The following FBXW4 variants were observed in gnomAD, a reference collection of about 807,000 sequenced individuals.
FBXW4 encodes F-box/WD repeat-containing protein 4.
Under a neutral mutation model 61.8 loss-of-function variants are expected in FBXW4, and 40 were observed. The ratio of observed to expected loss-of-function variants is 0.65; its 90% CI spans 0.50 to 0.84. The LOEUF (loss-of-function observed/expected upper bound fraction) is 0.84. FBXW4 is among the 40% of genes least tolerant of loss of function. The pLI is 0.00. For missense variants in FBXW4, 672 were observed against 753.8 expected (o/e 0.89, Z 1.27); for synonymous variants, 311 against 313.8 (o/e 0.99, Z 0.10).
intron 6 of FBXW4, among the ~76,000 whole-genome samples, chr10:101,613,320 C>T (rs1221488669): frequency 6.6e-6 from 1 of 152,244 alleles, no homozygotes; most frequent in Admixed American, 6.5e-5. Flanking sequence ...ACATCAAGTG[C>T]ACCCGCTAAT....
intron 5 of FBXW4, among the ~76,000 whole-genome samples, chr10:101,646,048 C>G (rs2064093106): frequency 6.6e-6 from 1 of 152,192 alleles, no homozygotes; most frequent in African/African-American, 2.4e-5. Context: ...CAGCACTCTA[C>G]AAGTGCTAAT....
intron 5 of FBXW4, among the ~76,000 whole-genome samples, chr10:101,663,178 C>T (rs1026431002): frequency 3.3e-5 from 5 of 152,112 alleles, no homozygotes; most frequent in Admixed American, 2.0e-4. Context: ...TGCCTTTCCC[C>T]AGAAGAGAAT....
At position 101,692,886 on chromosome 10, in the gene FBXW4, T is replaced by A. The variant is rs567428299; in HGVS notation, c.725+1495A>T. ...ATCACAAAAGACTGGCAGAGCCTAATAAAGTGTAAAACAGTAAAGTAAAAT... is the reference window on the plus strand; with the variant it reads ...ATCACAAAAGACTGGCAGAGCCTAAAAAAGTGTAAAACAGTAAAGTAAAAT... On this transcript the variant is annotated intron_variant, in intron 1 of 8. Transcript: ENST00000331272. Among the ~76,000 whole-genome samples the A allele has an allele frequency of 8.4e-4, 127 of 151,750 alleles. 1 individual carries two copies. Among genetic ancestry groups the A allele is most frequent in the African/African-American group, 2.9e-3 (121 of 41,392 alleles).
chr10:101,668,364 T>C lies in FBXW4; in HGVS notation c.1141-384A>G, dbSNP rs75722972. ...TCCTTTCTCCCATCTCTCACCAAGA[T>C]TTTACTTTGGAGAAGTAGGGAGAGG... On this transcript the variant is annotated intron_variant, in intron 4 of 8. Transcript: ENST00000331272. Among the ~76,000 whole-genome samples the C allele has an allele frequency of 6.2e-3, 947 of 152,208 alleles. 7 individuals are homozygous for C. Among genetic ancestry groups the C allele is most frequent in the Middle Eastern group, 0.027 (8 of 294 alleles).
intron 2 of FBXW4, among the ~76,000 whole-genome samples, chr10:101,675,775 T>C (rs1025086282): frequency 4.6e-5 from 7 of 152,164 alleles, no homozygotes; most frequent in African/African-American, 1.7e-4. Context: ...AGCATAAAAA[T>C]TGGTAGCATT....
chr10:101,648,883 G>T (rs1242308778), intron 5 of FBXW4, among the ~76,000 whole-genome samples: 1 of 152,136 alleles, frequency 6.6e-6, no homozygotes, highest in African/African-American at 2.4e-5. Context: ...ATCCCCACCA[G>T]AGCTTTTCCC....
intron 5 of FBXW4, among the ~76,000 whole-genome samples, chr10:101,651,620 T>C (rs1196119189): frequency 2.0e-5 from 3 of 151,964 alleles, no homozygotes; most frequent in African/African-American, 7.3e-5. Flanking sequence ...CTTCCCTCCC[T>C]CTATAAGGGC....
intron 5 of FBXW4, among the ~76,000 whole-genome samples, chr10:101,632,547 TCAGAAACTTATAAA>T (rs2063967849): frequency 2.0e-5 from 3 of 151,996 alleles, no homozygotes; most frequent in Non-Finnish European, 4.4e-5. Flanking sequence ...CACTCAAGAA[TCAGAAACTTATAAA>T]CTTGAGCAAT....
chr10:101,622,348 GCA>G (rs2063873101), intron 6 of FBXW4, among the ~76,000 whole-genome samples: 1 of 152,082 alleles, frequency 6.6e-6, no homozygotes. Context: ...GACACCAAAG[GCA>G]CAGTCAATAA....
At position 101,660,630 on chromosome 10, in the gene FBXW4, C is replaced by T. The variant is rs535420091; in HGVS notation, c.1235+7256G>A. Among the ~76,000 whole-genome samples the T allele has an allele frequency of 7.9e-5, 12 of 152,306 alleles. No homozygotes were observed. In the South Asian group the frequency reaches 2.5e-3, roughly 32 times the overall value. ...ATTGCTAAATTATCTGTTGGCAGAA[C>T]GGTGATCAAAGGTGGAAAAACACAG... On this transcript the variant is annotated intron_variant, in intron 5 of 8. Coordinates refer to ENST00000331272, the MANE Select transcript of FBXW4 (RefSeq NM_022039.4).
intron 1 of FBXW4, among the ~76,000 whole-genome samples, chr10:101,685,141 G>C (rs1391171950): frequency 6.6e-6 from 1 of 152,072 alleles, no homozygotes; most frequent in Non-Finnish European, 1.5e-5. Context: ...GCTACTTCTG[G>C]GGACTAGTCA....
At chr10:101,638,607 G>A (rs545212433) in intron 5 of FBXW4, among the ~76,000 whole-genome samples, 69 of 151,848 alleles carry the variant, frequency 4.5e-4, no homozygotes, top group African/African-American at 1.5e-3. Flanking sequence ...ACATATTTAT[G>A]TATCACTTAT....
chr10:101,620,160 A>C (rs1264554649), intron 6 of FBXW4, among the ~76,000 whole-genome samples: 1 of 152,224 alleles, frequency 6.6e-6, no homozygotes, highest in East Asian at 1.9e-4. Flanking sequence ...GAATCCATCC[A>C]GCACCGCTCA....
chr10:101,616,302 TC>T (rs1446100752), intron 6 of FBXW4, among the ~76,000 whole-genome samples: 1 of 152,194 alleles, frequency 6.6e-6, no homozygotes, highest in African/African-American at 2.4e-5. Flanking sequence ...TTTCCTCCCT[TC>T]TATCTCCTTC....
At chr10:101,618,092 G>C (rs1209780362) in intron 6 of FBXW4, among the ~76,000 whole-genome samples, 1 of 152,218 alleles carries the variant, frequency 6.6e-6, no homozygotes, top group Non-Finnish European at 1.5e-5. Flanking sequence ...CCTGTGTGCA[G>C]GACACGGCTT....
chr10:101,614,745 G>A (rs112974139), intron 6 of FBXW4, among the ~76,000 whole-genome samples: 10 of 152,324 alleles, frequency 6.6e-5, no homozygotes, highest in African/African-American at 2.2e-4. Context: ...GCTCTGTTGT[G>A]TGGTGCCCGT....
At chr10:101,692,003 C>T (rs994406845) in intron 1 of FBXW4, among the ~76,000 whole-genome samples, 2 of 151,920 alleles carry the variant, frequency 1.3e-5, no homozygotes, top group East Asian at 1.9e-4. Context: ...ATAACATTTT[C>T]GGAAATACAT....
At chr10:101,659,464 T>A (rs1391466197) in intron 5 of FBXW4, 5 of 984,490 alleles carry the variant, frequency 5.1e-6, no homozygotes, top group Non-Finnish European at 6.0e-6. Context: ...CTCTCTTCAC[T>A]GTCCAGAGAA....
intron 5 of FBXW4, among the ~76,000 whole-genome samples, chr10:101,634,683 A>G (rs2063986073): frequency 6.7e-6 from 1 of 148,902 alleles, no homozygotes; most frequent in South Asian, 2.1e-4. Context: ...TCCACTGAAT[A>G]CACATTTGAA....
Sources: allele counts gnomAD v4.1 joint callset (sites outside exome capture counted in the v4.1 genomes callset), GRCh38; gene constraint gnomAD v4.1.1; transcripts MANE v1.5; gene names NCBI Gene and HGNC (gene_info 2026-07-23, HGNC 2026-07-21).